RCC1: variants seen among roughly 807,000 people sequenced by gnomAD.
RCC1 encodes the protein regulator of chromosome condensation 1, also known as regulator of chromosome condensation.
In RCC1, 11 loss-of-function variants were observed where a neutral mutation model predicts 44.4. That is an observed-to-expected ratio of 0.25 (90% CI 0.16 to 0.41). The LOEUF (loss-of-function observed/expected upper bound fraction) is 0.41, where lower values mean the gene tolerates loss of function less well. Ranked by LOEUF, RCC1 falls within the 10% of genes least tolerant of loss-of-function variation. The pLI is 1.00. For missense variants in RCC1, 386 were observed against 547.1 expected (o/e 0.71, Z 2.94); for synonymous variants, 213 against 216.5 (o/e 0.98, Z 0.14).
intron 4 of RCC1, among the ~76,000 whole-genome samples, chr1:28,527,875 G>A (rs1313129126): frequency 1.3e-5 from 2 of 151,980 alleles, no homozygotes; most frequent in Non-Finnish European, 2.9e-5. Flanking sequence ...CGGGCGTGGT[G>A]GCACATGCCT....
rs1304737358 is a variant in RCC1 at position 28,511,870 on chromosome 1, G to C, written c.-153+2965G>C. 3.3e-5 allele frequency among the ~76,000 whole-genome samples: 5 copies of C among 151,596 alleles called. 1 individual carries two copies. Among genetic ancestry groups the C allele is most frequent in the Admixed American group, 3.3e-4 (5 of 15,200 alleles). On this transcript the variant is annotated intron_variant, in intron 3 of 12. Transcript: ENST00000683442. The stretch of plus-strand genomic sequence containing the variant: ...AGTAGAGACGGGTTTCACCATGTTA[G>C]CCAGGCTGGTCTCGAACTCCTGACC...
In RCC1 at chr1:28,507,663, C is replaced by T. The variant is rs2795323; in HGVS notation, c.-261-465C>T. On this transcript the variant is annotated intron_variant, in intron 1 of 12. Transcript: ENST00000683442. ...TGTTGCCCAGGCTGGAGTGCAGTGG[C>T]GCACTCCATTGCCTCTGCCTCCCGG... 2.0e-5 allele frequency: 8 copies of T among 395,336 alleles called. 1 individual carries two copies. The highest frequency in any genetic ancestry group is 7.2e-5 in the South Asian group (4 of 55,498). The allele number at this position is 395,336 out of a possible 1,614,324, so 24.5% of individuals were successfully genotyped here.
intron 12 of RCC1, 147 bp from the exon 13 acceptor site, chr1:28,537,685 A>G (rs1664636068): frequency 1.3e-6 from 1 of 751,452 alleles, no homozygotes; most frequent in East Asian, 2.7e-5. Context: ...GGGTTCTCCC[A>G]ACTTCCCTGA....
At position 28,516,868 on chromosome 1, in the gene RCC1, G is replaced by A. The variant is rs999173250; in HGVS notation, c.-10+1G>A. On this transcript the variant is annotated splice_donor_variant, in intron 4 of 12. Transcript: ENST00000683442. LOFTEE classifies it low-confidence loss of function (5UTR_SPLICE). The stretch of plus-strand genomic sequence containing the variant: ...TGGAGGCAGAGGTAAACTTGGAGAG[G>A]TAAGAAACCCTGAAGACAGGGGAGT... The A allele has an allele frequency of 2.2e-6, 1 of 456,468 alleles. No homozygotes were observed. Among genetic ancestry groups the A allele is most frequent in the Non-Finnish European group, 4.4e-6 (1 of 226,936 alleles). 28.3% of individuals were successfully genotyped at this position (456,468 alleles called of 1,614,324 possible).
At chr1:28,523,851 T>C (rs1261591490) in intron 4 of RCC1, among the ~76,000 whole-genome samples, 2 of 152,184 alleles carry the variant, frequency 1.3e-5, no homozygotes, top group South Asian at 4.1e-4. Flanking sequence ...AGTTTCACTC[T>C]TGTTGCCCAG....
At chr1:28,518,148 C>G (rs1404107943) in intron 4 of RCC1, 1 of 143,886 alleles carries the variant, frequency 6.9e-6, no homozygotes, top group African/African-American at 2.5e-5. Flanking sequence ...AGCCCGGGAG[C>G]GCGCCACATG....
At chr1:28,512,417 A>C (rs538841593) in intron 3 of RCC1, among the ~76,000 whole-genome samples, 33 of 152,064 alleles carry the variant, frequency 2.2e-4, no homozygotes, top group Non-Finnish European at 4.3e-4. Context: ...AAGAGACTGC[A>C]TATGTAAACT....
intron 3 of RCC1, among the ~76,000 whole-genome samples, chr1:28,513,601 CAG>C (rs1347696142): frequency 6.6e-6 from 1 of 150,754 alleles, no homozygotes. Context: ...TTTTTTAAGA[CAG>C]GGTCTCACTC....
chr1:28,516,771 G>C lies in RCC1; in HGVS notation c.-106G>C. On this transcript the variant is annotated 5_prime_UTR_variant, in exon 4 of 13. Coordinates refer to ENST00000683442, the MANE Select transcript of RCC1 (RefSeq NM_001381865.2). The stretch of plus-strand genomic sequence containing the variant: ...TGGAGGAAGACAGCAGAGAGAGAGA[G>C]AGAGATCAGAGATCCCAGGGTTAAA... The C allele has an allele frequency of 2.2e-6, 1 of 455,768 alleles. No homozygotes were observed. Among genetic ancestry groups the C allele is most frequent in the South Asian group, 1.6e-5 (1 of 64,378 alleles). The allele number at this position is 455,768 out of a possible 1,614,324, so 28.2% of individuals were successfully genotyped here. A position where few individuals can be genotyped will look rare whatever the true frequency, so the allele number is the denominator to read the frequency against.
At chr1:28,515,098 T>G (rs896760591) in intron 3 of RCC1, among the ~76,000 whole-genome samples, 1 of 152,022 alleles carries the variant, frequency 6.6e-6, no homozygotes, top group Non-Finnish European at 1.5e-5. Flanking sequence ...GCCAACATAG[T>G]GAAACCCTGT....
At chr1:28,518,894 T>C (rs1210388507) in intron 4 of RCC1, 2 of 152,142 alleles carry the variant, frequency 1.3e-5, no homozygotes, top group Non-Finnish European at 2.9e-5. Flanking sequence ...GGGACAGTAG[T>C]GAGAAGAGCA....
intron 9 of RCC1, chr1:28,535,643 A>AT (rs1391988717): frequency 2.6e-5 from 20 of 758,892 alleles, no homozygotes; most frequent in Non-Finnish European, 3.9e-5. Flanking sequence ...AATGAGAAGA[A>AT]TATCAGGCAG....
intron 2 of RCC1, 159 bp downstream of exon 2, chr1:28,508,319 A>G (rs1662196514): frequency 5.7e-6 from 2 of 351,882 alleles, no homozygotes; most frequent in Admixed American, 7.5e-5. Flanking sequence ...ACTTTGCTGC[A>G]TTTTTGTAGG....
chr1:28,509,003 T>A (rs907856837), intron 3 of RCC1, 98 bp downstream of exon 3: 1 of 426,120 alleles, frequency 2.3e-6, no homozygotes, highest in Non-Finnish European at 4.7e-6. Flanking sequence ...TTTGAGAGTC[T>A]TGCTCTGTCG....
intron 2 of RCC1, 46 bp downstream of exon 2, chr1:28,508,206 A>G (rs138593907): frequency 1.4e-4 from 59 of 425,724 alleles, no homozygotes; most frequent in Middle Eastern, 6.9e-4. Context: ...CTCTTTGTCA[A>G]TGATTTCTGT....
In RCC1 at chr1:28,536,551, AGT is replaced by A. The variant is rs1285184924; in HGVS notation, c.937+174_937+175del. Among the ~76,000 whole-genome samples the A allele has an allele frequency of 1.5e-4, 23 of 152,150 alleles. No homozygotes were observed. In the East Asian group the frequency reaches 4.4e-3, roughly 29 times the overall value. ...CTCCTAGAGTCCTGGTGTTCTTCCA[AGT>A]GTGAGTTCAATGGGGGCCCATGTAG... On this transcript the variant is annotated intron_variant, in intron 11 of 12. Coordinates refer to ENST00000683442, the MANE Select transcript of RCC1 (RefSeq NM_001381865.2). This position sits in a 1 kb window ranked among gnomAD's most constrained non-coding sequence, Gnocchi z 4.9.
intron 3 of RCC1, among the ~76,000 whole-genome samples, chr1:28,516,235 T>C (rs1477483160): frequency 6.9e-6 from 1 of 145,918 alleles, no homozygotes; most frequent in Non-Finnish European, 1.5e-5. Context: ...AAATTAAGGC[T>C]GGGCGCGGAG....
At chr1:28,507,634 G>A (rs1195350002) in intron 1 of RCC1, 7 of 438,760 alleles carry the variant, frequency 1.6e-5, no homozygotes, top group Admixed American at 5.4e-5. Flanking sequence ...AGATGGAGTC[G>A]CTCTGTTGCC....
chr1:28,537,909 G>A lies in RCC1; in HGVS notation c.1168G>A (p.Glu390Lys), dbSNP rs1478434894. Reference protein sequence around the residue: ...GQDEDAWSPVEMMGKQLENRV... With the variant: ...GQDEDAWSPVKMMGKQLENRV... ...GGATGAGGACGCCTGGAGCCCTGTG[G>A]AGATGATGGGCAAACAGCTGGAGAA... Residue 390 changes from glutamate to lysine, a missense_variant, in exon 13 of 13, where the codon GAG becomes AAG. Physicochemically the swap from Glu to Lys is moderately conservative, Grantham distance 56. Coordinates refer to ENST00000683442, the MANE Select transcript of RCC1 (RefSeq NM_001381865.2). The A allele has an allele frequency of 3.7e-6, 6 of 1,613,654 alleles. No individual in the cohort carries two copies. Among genetic ancestry groups the A allele is most frequent in the Non-Finnish European group, 5.1e-6 (6 of 1,179,932 alleles).
Sources: allele counts gnomAD v4.1 joint callset (sites outside exome capture counted in the v4.1 genomes callset), GRCh38; gene constraint gnomAD v4.1.1; non-coding constraint Gnocchi (gnomAD v3.1); transcripts MANE v1.5; gene names NCBI Gene and HGNC (gene_info 2026-07-23, HGNC 2026-07-21).